The following ZNF444 variants were observed in gnomAD, a reference collection of about 807,000 sequenced individuals.
The protein encoded by ZNF444 is endothelial zinc finger protein 2.
Under a neutral mutation model 14.4 loss-of-function variants are expected in ZNF444, and 8 were observed. That is an observed-to-expected ratio of 0.56 (90% CI 0.33 to 1.00). The LOEUF (loss-of-function observed/expected upper bound fraction) is 1.00, where lower values mean the gene tolerates loss of function less well. ZNF444 is among the 50% of genes least tolerant of loss of function. The probability of loss-of-function intolerance (pLI) is 0.03; values close to 1 mark genes in which losing one functional copy is unlikely to be tolerated. For synonymous variants in ZNF444, 258 were observed against 235.9 expected (o/e 1.09, Z -0.86); for missense variants, 510 against 504.8 (o/e 1.01, Z -0.10).
rs764260638 is a variant in ZNF444, at chr19:56,159,678, G to A, written c.461G>A (p.Arg154His). ...GCGCCTGGGGACTCCCAGGCTGTGC[G>A]CCCCTACAAGCAGGAGCCCAGCAGC... ...GPAPGDSQAV[R>H]PYKQEPSSPP... is the part of the protein sequence containing the mutation. The change falls in exon 5 of 5, where the codon CGC (arginine) becomes CAC (histidine). Residue 154 changes from arginine (R) to histidine (H), a missense_variant. Coordinates refer to ENST00000337080, the MANE Select transcript of ZNF444 (RefSeq NM_018337.4). The A allele has an allele frequency of 1.1e-5, 17 of 1,522,174 alleles. No homozygotes were observed. In the Admixed American group the frequency reaches 1.3e-4, roughly 11 times the overall value. The allele number at this position is 1,522,174 out of a possible 1,614,324, so 94.3% of individuals were successfully genotyped here. A position where few individuals can be genotyped will look rare whatever the true frequency, so the allele number is the denominator to read the frequency against.
intron 3 of ZNF444, 194 bp from the exon 4 acceptor site, chr19:56,158,300 G>A (rs1283608639): frequency 2.0e-6 from 1 of 509,824 alleles, no homozygotes; most frequent in Non-Finnish European, 3.4e-6. Flanking sequence ...ATGGCTCCCT[G>A]GCAGGGGGTT....
intron 3 of ZNF444, among the ~76,000 whole-genome samples, chr19:56,153,646 T>C (rs994234399): frequency 1.3e-5 from 2 of 151,940 alleles, no homozygotes; most frequent in East Asian, 1.9e-4. Context: ...AGGCACACAA[T>C]AGGGAAAGGG....
intron 4 of ZNF444, among the ~76,000 whole-genome samples, 155 bp downstream of exon 4, chr19:56,158,757 G>C (rs1396971319): frequency 1.3e-5 from 2 of 152,178 alleles, no homozygotes; most frequent in Admixed American, 6.5e-5. Flanking sequence ...CGGGCATTGG[G>C]GGTATGGGTG....
intron 4 of ZNF444, among the ~76,000 whole-genome samples, chr19:56,159,155 C>T (rs2032101919): frequency 6.6e-6 from 1 of 151,788 alleles, no homozygotes; most frequent in South Asian, 2.1e-4. Flanking sequence ...ACCCATCCAT[C>T]ATCTGTACAT....
At chr19:56,136,670 C>T (rs960179762), upstream of ZNF444, among the ~76,000 whole-genome samples, 1 of 152,194 alleles carries the variant, frequency 6.6e-6, no homozygotes, top group Non-Finnish European at 1.5e-5. Flanking sequence ...GTAGAAGGTA[C>T]CGATGCATAG....
intron 3 of ZNF444, chr19:56,155,539 T>A (rs560619687): frequency 2.0e-5 from 3 of 152,396 alleles, no homozygotes; most frequent in Admixed American, 2.0e-4. Flanking sequence ...GAGGTGACCC[T>A]CCCTGGAGCC....
intron 3 of ZNF444, among the ~76,000 whole-genome samples, chr19:56,153,800 G>A (rs1392792546): frequency 6.6e-6 from 1 of 152,218 alleles, no homozygotes; most frequent in African/African-American, 2.4e-5. Flanking sequence ...GTCAGCCTGC[G>A]TCTCAGGTCG....
intron 3 of ZNF444, chr19:56,150,388 G>A (rs2031502642): frequency 3.3e-6 from 1 of 301,470 alleles, no homozygotes; most frequent in Non-Finnish European, 6.5e-6. Context: ...CAGGCCGTCG[G>A]GACTCTCCTG....
chr19:56,139,470 T>C (rs111358002), upstream of ZNF444, among the ~76,000 whole-genome samples: 7 of 152,232 alleles, frequency 4.6e-5, no homozygotes, highest in African/African-American at 1.7e-4. Flanking sequence ...GCAGATCACT[T>C]GAGGCCAGGA....
intron 1 of ZNF444, among the ~76,000 whole-genome samples, chr19:56,143,954 C>T (rs972063578): frequency 6.6e-6 from 1 of 151,790 alleles, no homozygotes; most frequent in African/African-American, 2.4e-5. Context: ...AGTGATCCAG[C>T]GGGAGGCAGC....
rs931197230 is a variant in ZNF444, at chr19:56,160,268, G to T, written c.*67G>T. 1 of 1,291,518 alleles carries T rather than the reference G, an allele frequency of 7.7e-7. No homozygotes were observed. Among genetic ancestry groups the T allele is most frequent in the African/African-American group, 1.6e-5 (1 of 63,378 alleles). 80.0% of individuals were successfully genotyped at this position (1,291,518 alleles called of 1,614,324 possible). A position where few individuals can be genotyped will look rare whatever the true frequency, so the allele number is the denominator to read the frequency against. On this transcript the variant is annotated 3_prime_UTR_variant, in exon 5 of 5. Coordinates refer to ENST00000337080, the MANE Select transcript of ZNF444 (RefSeq NM_018337.4). Reference sequence around the variant, plus strand: ...CCCGGGCGGTACCTGCTCTCTCCCAGCGCCACTTGGCCTCTTCCTCTCCTC... The same window carrying T: ...CCCGGGCGGTACCTGCTCTCTCCCATCGCCACTTGGCCTCTTCCTCTCCTC...
upstream of ZNF444, among the ~76,000 whole-genome samples, chr19:56,138,293 G>A (rs562174704): frequency 3.9e-5 from 6 of 151,952 alleles, no homozygotes; most frequent in African/African-American, 9.7e-5. Flanking sequence ...AAACAAATAC[G>A]GTATGATTCC....
In ZNF444 at chr19:56,147,047, C is replaced by T. The variant is rs1305509470; in HGVS notation, c.136C>T (p.Arg46Trp). ...GCTGGGGCTGCTCCGCGCCCTGTGC[C>T]GGGACTGGCTGCGGCCCGAGGTGCA... is the stretch of plus-strand genomic sequence containing the variant. ...EALGLLRALC[R>W]DWLRPEVHTK... Residue 46 changes from arginine to tryptophan, a missense_variant, in exon 3 of 5, where the codon CGG becomes TGG. By Grantham distance (101) the Arg-to-Trp change is moderately radical. Transcript: ENST00000337080. This position sits in a 1 kb window ranked among gnomAD's most constrained non-coding sequence, Gnocchi z 5.9. 1.3e-6 allele frequency: 2 copies of T among 1,559,536 alleles called. No homozygotes were observed. The highest frequency in any genetic ancestry group is 1.9e-5 in the Admixed American group (1 of 52,942).
Position 56,146,917 on chromosome 19 carries a change from G to T in ZNF444, c.6G>T (p.Glu2Asp). The change falls in exon 3 of 5, where the codon GAG (glutamate) becomes GAT (aspartate). Residue 2 changes from glutamate to aspartate, a missense_variant. Physicochemically the swap from Glu to Asp is conservative, Grantham distance 45. Coordinates refer to ENST00000337080, the MANE Select transcript of ZNF444 (RefSeq NM_018337.4). ...GCTGCGGTCCGGGAGGCCCCATGGA[G>T]GTGGCGGTGCCCGTGAAGCAGGAGG... is the stretch of plus-strand genomic sequence containing the variant. M[E>D]VAVPVKQEAE... 7.0e-7 allele frequency: 1 copy of T among 1,430,290 alleles called. No homozygotes were observed. The highest frequency in any genetic ancestry group is 9.1e-7 in the Non-Finnish European group (1 of 1,101,752). The allele number at this position is 1,430,290 out of a possible 1,614,324, so 88.6% of individuals were successfully genotyped here. A position where few individuals can be genotyped will look rare whatever the true frequency, so the allele number is the denominator to read the frequency against.
intron 1 of ZNF444, chr19:56,143,678 G>T (rs558709368): frequency 2.0e-5 from 3 of 152,348 alleles, no homozygotes; most frequent in Non-Finnish European, 4.4e-5. Context: ...GTTTATTTGA[G>T]TGCTAGCCAG....
chr19:56,136,454 T>G (rs1468942784), upstream of ZNF444, among the ~76,000 whole-genome samples: 2 of 152,342 alleles, frequency 1.3e-5, no homozygotes, highest in East Asian at 3.9e-4. Context: ...CTGTTTTTGT[T>G]GCACGGATGT....
intron 1 of ZNF444, chr19:56,143,222 A>T (rs1363238872): frequency 6.6e-6 from 1 of 152,390 alleles, no homozygotes; most frequent in Non-Finnish European, 1.5e-5. Flanking sequence ...CTTGTGCTGG[A>T]TGGCCCCACC....
intron 1 of ZNF444, among the ~76,000 whole-genome samples, chr19:56,133,217 C>T (rs1290705202): frequency 5.3e-5 from 8 of 151,694 alleles, no homozygotes; most frequent in Non-Finnish European, 1.0e-4. Flanking sequence ...GGATTACAGG[C>T]GCACACCACC....
intron 1 of ZNF444, among the ~76,000 whole-genome samples, chr19:56,142,675 C>T (rs1273285458): frequency 6.6e-6 from 1 of 152,166 alleles, no homozygotes; most frequent in East Asian, 1.9e-4. Flanking sequence ...CTCCCAGCAG[C>T]CTCTTGAGAG....
Sources: allele counts gnomAD v4.1 joint callset (sites outside exome capture counted in the v4.1 genomes callset), GRCh38; gene constraint gnomAD v4.1.1; non-coding constraint Gnocchi (gnomAD v3.1); transcripts MANE v1.5; gene names NCBI Gene and HGNC (gene_info 2026-07-23, HGNC 2026-07-21).